RASEF: variants seen among roughly 807,000 people sequenced by gnomAD.
RASEF encodes the protein RAS and EF-hand domain containing.
RASEF carries 68 observed loss-of-function variants against 90.1 expected under a neutral mutation model. That is an observed-to-expected ratio of 0.75 (90% confidence interval 0.62 to 0.92). The LOEUF (loss-of-function observed/expected upper bound fraction) is 0.92, where lower values mean the gene tolerates loss of function less well. Among genes scored for constraint, RASEF ranks in the 40% least tolerant of loss-of-function variants. The pLI is 0.00. For missense variants in RASEF, 949 were observed against 937.2 expected (o/e 1.01, Z -0.16); for synonymous variants, 331 against 345.2 (o/e 0.96, Z 0.46).
intron 3 of RASEF, among the ~76,000 whole-genome samples, chr9:83,019,722 G>T (rs555113717): frequency 6.6e-6 from 1 of 152,196 alleles, no homozygotes; most frequent in Non-Finnish European, 1.5e-5. Context: ...GTACCCCTAC[G>T]TAATAGAATA....
At chr9:83,168,120 C>T in the RASEF span, among the ~76,000 whole-genome samples, 2 of 152,128 alleles carry the variant, frequency 1.3e-5, no homozygotes, top group Non-Finnish European at 2.9e-5. Context: ...AGAATTCCTA[C>T]TAGCAGTGAA....
the RASEF span, among the ~76,000 whole-genome samples, chr9:83,196,400 A>T: frequency 1.8e-4 from 27 of 152,132 alleles, no homozygotes; most frequent in African/African-American, 6.3e-4. Context: ...AAACATTTAT[A>T]AGAAAAAGGA....
chr9:83,216,681 G>A, the RASEF span, among the ~76,000 whole-genome samples: 2 of 152,210 alleles, frequency 1.3e-5, no homozygotes, highest in Non-Finnish European at 2.9e-5. Flanking sequence ...CCCCCACACA[G>A]AGTCCCCACT....
At chr9:83,066,322 C>T (rs1830282292), upstream of RASEF, among the ~76,000 whole-genome samples, 1 of 152,204 alleles carries the variant, frequency 6.6e-6, no homozygotes, top group Non-Finnish European at 1.5e-5. Flanking sequence ...CAAACGTTTA[C>T]ACAATTGCAT....
the RASEF span, among the ~76,000 whole-genome samples, chr9:83,133,585 C>A: frequency 2.0e-5 from 3 of 152,038 alleles, no homozygotes; most frequent in African/African-American, 7.2e-5. Context: ...AGCCCCTTTA[C>A]CTAAAGTCTA....
intron 1 of RASEF, among the ~76,000 whole-genome samples, chr9:83,043,032 T>C (rs1040550691): frequency 1.3e-5 from 2 of 152,188 alleles, no homozygotes; most frequent in African/African-American, 2.4e-5. Flanking sequence ...CTAGACTTCA[T>C]ATGATGACCC....
At chr9:83,055,186 C>A (rs1158791246) in intron 1 of RASEF, 1 of 192,884 alleles carries the variant, frequency 5.2e-6, no homozygotes, top group Non-Finnish European at 1.1e-5. Flanking sequence ...GCTGTGCTAG[C>A]AATCAGCGAG....
chr9:83,040,018 T>C (rs1484382031), intron 1 of RASEF, among the ~76,000 whole-genome samples: 2 of 152,116 alleles, frequency 1.3e-5, no homozygotes, highest in Non-Finnish European at 2.9e-5. Flanking sequence ...GTTCTAGTGA[T>C]AGTGAATAAG....
At chr9:83,113,113 G>A in the RASEF span, among the ~76,000 whole-genome samples, 1 of 152,108 alleles carries the variant, frequency 6.6e-6, no homozygotes, top group African/African-American at 2.4e-5. Flanking sequence ...CTGAACGGAG[G>A]GACCGACTGG....
At chr9:83,005,871 G>T (rs575246958) in intron 7 of RASEF, among the ~76,000 whole-genome samples, 1 of 152,166 alleles carries the variant, frequency 6.6e-6, no homozygotes, top group Non-Finnish European at 1.5e-5. Flanking sequence ...AGGGATGAAC[G>T]CAGTGTGTTA....
chr9:83,088,245 C>T, the RASEF span, among the ~76,000 whole-genome samples: 7 of 151,628 alleles, frequency 4.6e-5, no homozygotes, highest in South Asian at 2.1e-4. Flanking sequence ...ATATTTATAT[C>T]GATGTAGATA....
Position 83,062,569 on chromosome 9 carries a change from T to G in RASEF, c.299A>C (p.His100Pro), listed in dbSNP as rs1373020560. 1.3e-6 allele frequency: 2 copies of G among 1,590,892 alleles called. No individual in the cohort carries two copies. Among genetic ancestry groups the G allele is most frequent in the Non-Finnish European group, 1.7e-6 (2 of 1,168,284 alleles). The change falls in exon 1 of 17, where the codon CAC becomes CCC. Residue 100 changes from histidine to proline, a missense_variant. By Grantham distance (77) the His-to-Pro change is moderately conservative. Around this residue, in one of 3 missense-constraint regions of RASEF, gnomAD observed 656 missense variants for 592.2 expected, o/e 1.11. Transcript: ENST00000376447. ...GTCGCCTTCGTCCTCCTCGCTGTCG[T>G]GTGTCTCCGGCCCCGCCTCAGACAC... ...PAVSEAGPET[H>P]DSEEDEGDED...
At chr9:83,029,503 C>G (rs1457131014) in intron 1 of RASEF, among the ~76,000 whole-genome samples, 5 of 151,766 alleles carry the variant, frequency 3.3e-5, no homozygotes, top group African/African-American at 1.2e-4. Flanking sequence ...AGCGATTCTC[C>G]TACCTCAGCC....
chr9:83,018,800 T>G (rs1463332265), intron 3 of RASEF, among the ~76,000 whole-genome samples: 4 of 152,112 alleles, frequency 2.6e-5, no homozygotes. Context: ...AATGTAATAT[T>G]GGCATAACAA....
At chr9:83,114,310 C>T in the RASEF span, among the ~76,000 whole-genome samples, 1 of 152,180 alleles carries the variant, frequency 6.6e-6, no homozygotes, top group Non-Finnish European at 1.5e-5. Context: ...TGTCTTTGCT[C>T]TAATCTTAAT....
chr9:83,107,867 T>C, the RASEF span, among the ~76,000 whole-genome samples: 1 of 152,180 alleles, frequency 6.6e-6, no homozygotes, highest in Non-Finnish European at 1.5e-5. Flanking sequence ...AGCAGTGTCT[T>C]TGGAAACAAC....
the RASEF span, among the ~76,000 whole-genome samples, chr9:83,193,363 G>A: frequency 6.6e-6 from 1 of 152,320 alleles, no homozygotes; most frequent in South Asian, 2.1e-4. Context: ...ATCAGAGAAA[G>A]AAGAAAATTT....
chr9:83,027,397 T>C (rs1580881), intron 1 of RASEF, among the ~76,000 whole-genome samples: 81,762 of 151,898 alleles, frequency 0.54, 22,330 homozygotes, highest in East Asian at 0.73. Flanking sequence ...TTAATCATGT[T>C]CAGCCCCCAT....
chr9:83,130,784 A>C, the RASEF span, among the ~76,000 whole-genome samples: 1 of 152,232 alleles, frequency 6.6e-6, no homozygotes, highest in Admixed American at 6.5e-5. Context: ...ACAAACACAC[A>C]GGGTGATGAG....
Sources: allele counts gnomAD v4.1 joint callset (sites outside exome capture counted in the v4.1 genomes callset), GRCh38; gene constraint gnomAD v4.1.1; regional missense constraint gnomAD v4.1.1; transcripts MANE v1.5; gene names NCBI Gene and HGNC (gene_info 2026-07-23, HGNC 2026-07-21).